The following ALG13 variants were observed in gnomAD, a reference collection of about 807,000 sequenced individuals.
ALG13 encodes the protein UDP-N-acetylglucosamine transferase subunit ALG13.
ALG13 carries 11 observed loss-of-function variants against 87.8 expected under a neutral mutation model. The ratio of observed to expected loss-of-function variants is 0.13; its 90% CI spans 0.08 to 0.21. The LOEUF is 0.21. Among genes scored for constraint, ALG13 ranks in the 10% least tolerant of loss-of-function variants. ALG13 has a pLI of 1.00. For missense variants in ALG13, 756 were observed against 866.1 expected (o/e 0.87, Z 1.60); for synonymous variants, 320 against 306.3 (o/e 1.04, Z -0.47).
chrX:111,723,790 C>G lies in ALG13; in HGVS notation c.1501-8C>G. 1 of 1,128,095 alleles carries G rather than the reference C, an allele frequency of 8.9e-7. No homozygotes were observed. Among genetic ancestry groups the G allele is most frequent in the Non-Finnish European group, 1.2e-6 (1 of 833,534 alleles). 93.0% of individuals were successfully genotyped at this position (1,128,095 alleles called of 1,213,427 possible). On this transcript the variant is annotated splice_polypyrimidine_tract_variant and splice_region_variant and intron_variant, in intron 13 of 26. Coordinates refer to ENST00000394780, the MANE Select transcript of ALG13 (RefSeq NM_001099922.3). The stretch of plus-strand genomic sequence containing the variant: ...CTAGTCTTGAGACTAGAAGTATTCT[C>G]TTTTCAGGTTTGCTTGGAATCAGAA...
At chrX:111,717,982 C>A in intron 9 of ALG13, 55 bp downstream of exon 9, 1 of 1,108,639 alleles carries the variant, frequency 9.0e-7, no homozygotes, top group Middle Eastern at 2.4e-4. Context: ...TGTTTTCACT[C>A]AGGGACCCAC....
At chrX:111,759,042 A>G (rs1200387372) in intron 26 of ALG13, among the ~76,000 whole-genome samples, 1 of 109,629 alleles carries the variant, frequency 9.1e-6, no homozygotes, top group African/African-American at 3.3e-5. Context: ...TTTTTTTTGA[A>G]TTTTGTGCAG....
rs746279372 is a variant in ALG13 at position 111,737,234 on chromosome X, C to T, written c.2695+355C>T. Among the ~76,000 whole-genome samples the T allele has an allele frequency of 4.5e-5, 5 of 111,813 alleles. No individual in the cohort carries two copies. The South Asian group carries it at 1.1e-3, about 25-fold the overall frequency. ...TTTCAGGAATTTATTCTATAAAACA[C>T]GTTCCTTTGTAATGAATAATTGTCC... On this transcript the variant is annotated intron_variant, in intron 23 of 26. Coordinates refer to ENST00000394780, the MANE Select transcript of ALG13 (RefSeq NM_001099922.3).
intron 24 of ALG13, among the ~76,000 whole-genome samples, chrX:111,748,957 C>A (rs1203212577): frequency 9.1e-6 from 1 of 110,450 alleles, no homozygotes; most frequent in Non-Finnish European, 1.9e-5. Flanking sequence ...GTGGTGAGCA[C>A]CTGTAATGCT....
intron 5 of ALG13, among the ~76,000 whole-genome samples, chrX:111,710,373 A>G (rs1341230296): frequency 7.2e-5 from 8 of 111,281 alleles, no homozygotes; most frequent in African/African-American, 2.6e-4. Context: ...AATGCTTGCT[A>G]TTGGTTTGTG....
intron 22 of ALG13, among the ~76,000 whole-genome samples, chrX:111,736,509 A>T (rs982635673): frequency 5.5e-4 from 62 of 111,851 alleles, no homozygotes; most frequent in African/African-American, 1.4e-3. Context: ...ACCTTTTTAG[A>T]AATAAATGAA....
chrX:111,701,167 A>T (rs1345532196), intron 3 of ALG13, among the ~76,000 whole-genome samples: 1 of 111,487 alleles, frequency 9.0e-6, no homozygotes, highest in Non-Finnish European at 1.9e-5. Context: ...TGGTCTGTAA[A>T]TTTCTATTTT....
At chrX:111,709,314 A>G (rs1939320082) in intron 5 of ALG13, among the ~76,000 whole-genome samples, 1 of 112,230 alleles carries the variant, frequency 8.9e-6, no homozygotes, top group Admixed American at 9.4e-5. Flanking sequence ...CAGACCCTAA[A>G]AAGTTATGTT....
chrX:111,708,541 C>G, intron 4 of ALG13, 148 bp downstream of exon 4: 1 of 651,113 alleles, frequency 1.5e-6, no homozygotes, highest in Non-Finnish European at 2.3e-6. Flanking sequence ...AAGCTGCCTG[C>G]TCTTATTAGC....
intron 15 of ALG13, among the ~76,000 whole-genome samples, chrX:111,726,014 G>A (rs779123930): frequency 6.2e-4 from 69 of 111,941 alleles, no homozygotes; most frequent in Non-Finnish European, 1.1e-3. Flanking sequence ...CGCTATCTCG[G>A]CTCACTGTAA....
intron 3 of ALG13, chrX:111,689,780 T>C (rs2030686222): frequency 1.1e-5 from 8 of 749,464 alleles, no homozygotes; most frequent in Non-Finnish European, 1.3e-5. Context: ...CCCTGCATAA[T>C]ATATGTTGTA....
chrX:111,748,531 G>A (rs1944440987), intron 24 of ALG13, among the ~76,000 whole-genome samples: 1 of 111,835 alleles, frequency 8.9e-6, no homozygotes, highest in African/African-American at 3.3e-5. Context: ...CTTTTTTCAT[G>A]TGCTTATTGG....
At chrX:111,754,917 C>A (rs774336258) in intron 25 of ALG13, among the ~76,000 whole-genome samples, 2 of 112,076 alleles carry the variant, frequency 1.8e-5, no homozygotes, top group Non-Finnish European at 3.8e-5. Context: ...TTAGAAAAAA[C>A]TACTTTAAAT....
At chrX:111,701,371 A>G (rs959915267) in intron 3 of ALG13, among the ~76,000 whole-genome samples, 1 of 111,156 alleles carries the variant, frequency 9.0e-6, no homozygotes, top group Non-Finnish European at 1.9e-5. Context: ...TATTGATTCA[A>G]TCTCCTTCCT....
chrX:111,705,196 T>G (rs1395302835), intron 3 of ALG13, among the ~76,000 whole-genome samples: 1 of 112,257 alleles, frequency 8.9e-6, no homozygotes, highest in African/African-American at 3.2e-5. Context: ...TGTAATGATG[T>G]CTTATTGTGG....
At chrX:111,689,594 G>A (rs994502802) in intron 3 of ALG13, 10 of 753,587 alleles carry the variant, frequency 1.3e-5, no homozygotes, top group Non-Finnish European at 1.6e-5. Flanking sequence ...ATTTTGTATC[G>A]ATTTTGGATT....
At chrX:111,706,108 G>A (rs1291845234) in intron 3 of ALG13, among the ~76,000 whole-genome samples, 1 of 109,921 alleles carries the variant, frequency 9.1e-6, no homozygotes, top group Admixed American at 9.6e-5. Context: ...AGGCTGGAGT[G>A]CAGTGGTGTG....
At chrX:111,737,308 G>A (rs998452041) in intron 23 of ALG13, among the ~76,000 whole-genome samples, 26 of 111,845 alleles carry the variant, frequency 2.3e-4, no homozygotes, top group African/African-American at 8.1e-4. Context: ...AAAAGATCTG[G>A]GTTAGAATCC....
intron 3 of ALG13, among the ~76,000 whole-genome samples, chrX:111,690,981 G>C (rs1417668194): frequency 1.8e-5 from 2 of 111,644 alleles, no homozygotes; most frequent in Non-Finnish European, 3.8e-5. Flanking sequence ...CATATAGTCT[G>C]AGAAATGACA....
Sources: allele counts gnomAD v4.1 joint callset (sites outside exome capture counted in the v4.1 genomes callset), GRCh38; gene constraint gnomAD v4.1.1; transcripts MANE v1.5; gene names NCBI Gene and HGNC (gene_info 2026-07-23, HGNC 2026-07-21).